Variants in FANCA observed in about 807,000 individuals in gnomAD.
FANCA encodes the protein Fanconi anemia group A protein.
In FANCA, 236 loss-of-function variants were observed where a neutral mutation model predicts 194.3. The observed-to-expected ratio is 1.21, with a 90% CI of 1.09 to 1.35. FANCA has a LOEUF of 1.35. Among genes scored for constraint, FANCA ranks in the 40% most tolerant of loss-of-function variants. FANCA has a pLI of 0.00. For missense variants in FANCA, 2,628 were observed against 1,813.9 expected (o/e 1.45, Z -8.15); for synonymous variants, 1,014 against 715.8 (o/e 1.42, Z -6.65).
At chr16:89,745,148 C>T in intron 35 of FANCA, 77 bp from the exon 36 acceptor site, 1 of 1,376,034 alleles carries the variant, frequency 7.3e-7, no homozygotes, top group Non-Finnish European at 1.0e-6. Context: ...ATGACAAGCC[C>T]CCAGTGCTCC....
At position 89,738,433 on chromosome 16, in the gene FANCA, A is replaced by C; in HGVS notation, c.*168T>G. The stretch of plus-strand genomic sequence containing the variant: ...GGGACCAGTGGTTTATTTTCCCGCA[A>C]ACGCTGAGTGACTCGGGGCCGGACA... On this transcript the variant is annotated 3_prime_UTR_variant, in exon 43 of 43. Transcript: ENST00000389301. 1 of 1,382,688 alleles carries C rather than the reference A, an allele frequency of 7.2e-7. No individual in the cohort carries two copies. Among genetic ancestry groups the C allele is most frequent in the Non-Finnish European group, 9.9e-7 (1 of 1,014,720 alleles). 85.7% of individuals were successfully genotyped at this position (1,382,688 alleles called of 1,614,324 possible). A position where few individuals can be genotyped will look rare whatever the true frequency, so the allele number is the denominator to read the frequency against.
rs1411162114 is a variant in FANCA at position 89,778,882 on chromosome 16, G to C, written c.1777-32C>G. 1.9e-6 allele frequency: 3 copies of C among 1,613,744 alleles called. No homozygotes were observed. The Admixed American group carries it at 5.0e-5, about 27-fold the overall frequency. On this transcript the variant is annotated intron_variant, in intron 19 of 42. Coordinates refer to ENST00000389301, the MANE Select transcript of FANCA (RefSeq NM_000135.4). ...GAAGAGAAGAGACCTGTGAGAGACT[G>C]ACAAGGAAAGTCCTTGCTTTCTACA...
intron 20 of FANCA, among the ~76,000 whole-genome samples, chr16:89,777,913 G>T (rs2039564469): frequency 6.6e-6 from 1 of 152,076 alleles, no homozygotes; most frequent in Admixed American, 6.6e-5. Context: ...TATAATCCCA[G>T]CACTTTGGGA....
intron 5 of FANCA, 24 bp downstream of exon 5, chr16:89,810,683 T>TTC (rs1336696737): frequency 1.4e-6 from 2 of 1,438,340 alleles, no homozygotes; most frequent in East Asian, 4.5e-5. Context: ...CACTGGAGAG[T>TTC]CAGATTTGCA....
intron 11 of FANCA, 65 bp from the exon 12 acceptor site, chr16:89,792,612 G>A: frequency 1.4e-6 from 2 of 1,455,106 alleles, no homozygotes; most frequent in Non-Finnish European, 1.9e-6. Context: ...TTTTTGTTAA[G>A]GACCAGCCCC....
chr16:89,798,763 G>A lies in FANCA; in HGVS notation c.893+403C>T, dbSNP rs146493566. On this transcript the variant is annotated intron_variant, in intron 10 of 42. Transcript: ENST00000389301. ...TGTGGAGGCCAGGCAGCGGGAGTCT[G>A]TAGAGGCACAGCTACAGTGTGTTCT... The A allele has an allele frequency of 8.2e-4, 1,136 of 1,386,834 alleles. 10 individuals carry two copies. In the South Asian group the frequency reaches 9.9e-3, roughly 12 times the overall value. 85.9% of individuals were successfully genotyped at this position (1,386,834 alleles called of 1,614,324 possible).
chr16:89,768,957 G>C (rs2039224597), intron 26 of FANCA, among the ~76,000 whole-genome samples: 1 of 152,024 alleles, frequency 6.6e-6, no homozygotes, highest in Admixed American at 6.6e-5. Context: ...GGACTGTCTG[G>C]TGTGGCCAAG....
chr16:89,794,270 G>C (rs2040170220), intron 11 of FANCA, among the ~76,000 whole-genome samples: 1 of 152,138 alleles, frequency 6.6e-6, no homozygotes, highest in Non-Finnish European at 1.5e-5. Flanking sequence ...CTGTCAGTAA[G>C]GTCAGGCTAG....
In FANCA at chr16:89,755,889, C is replaced by T. The variant is rs570016641; in HGVS notation, c.2981+2688G>A. The stretch of plus-strand genomic sequence containing the variant: ...CGCACAGACACAGACCGGAGCCGCC[C>T]GCACACCTAGGCCACACGGCACGGC... On this transcript the variant is annotated intron_variant, in intron 30 of 42. Transcript: ENST00000389301. 1.1e-4 allele frequency among the ~76,000 whole-genome samples: 17 copies of T among 150,932 alleles called. 1 individual carries two copies. Among genetic ancestry groups the T allele is most frequent in the South Asian group, 2.1e-4 (1 of 4,710 alleles).
intron 20 of FANCA, among the ~76,000 whole-genome samples, chr16:89,776,333 AATTTTTTGT>A (rs1228760174): frequency 1.3e-5 from 2 of 150,720 alleles, no homozygotes; most frequent in South Asian, 2.1e-4. Context: ...AGGCCCAGCT[AATTTTTTGT>A]ATTTTTAGTA....
chr16:89,751,463 C>G (rs1232084251), intron 31 of FANCA, among the ~76,000 whole-genome samples: 5 of 152,054 alleles, frequency 3.3e-5, no homozygotes, highest in Non-Finnish European at 5.9e-5. Context: ...CAGAGCAAGA[C>G]CCTGTCCCAA....
Position 89,784,845 on chromosome 16 carries a change from G to T in FANCA, c.1470+9C>A. The T allele has an allele frequency of 6.2e-7, 1 of 1,603,080 alleles. No homozygotes were observed. Among genetic ancestry groups the T allele is most frequent in the South Asian group, 1.1e-5 (1 of 90,880 alleles). On this transcript the variant is annotated intron_variant, in intron 15 of 42. Transcript: ENST00000389301. ...CCAGAAATCATGGATGTGGCAGCCA[G>T]CTTCTCACCTGCAGGTACCGGGGAG...
chr16:89,754,730 T>C (rs2038713379), intron 30 of FANCA, among the ~76,000 whole-genome samples: 1 of 152,136 alleles, frequency 6.6e-6, no homozygotes, highest in South Asian at 2.1e-4. Flanking sequence ...TTAGAACTAA[T>C]AAATGACTAG....
At position 89,752,142 on chromosome 16, in the gene FANCA, A is replaced by C. The variant is rs891626452; in HGVS notation, c.3062T>G (p.Leu1021Trp). The change falls in exon 31 of 43, where the codon TTG (leucine) becomes TGG (tryptophan). Residue 1021 changes from leucine to tryptophan, a missense_variant. By Grantham distance (61) the Leu-to-Trp change is moderately conservative. Transcript: ENST00000389301. The stretch of plus-strand genomic sequence containing the variant: ...TTGTGGCACCCTCAAACTCACCTGC[A>C]ATCTGGAAATAATATCCTCATTTCC... ...RTGNEDIISR[L>W]QEMVADLELQ... is the part of the protein sequence containing the mutation. The C allele has an allele frequency of 1.2e-6, 2 of 1,613,982 alleles. No individual in the cohort carries two copies. Among genetic ancestry groups the C allele is most frequent in the Non-Finnish European group, 1.7e-6 (2 of 1,179,858 alleles).
rs554748241 is a variant in FANCA at position 89,781,489 on chromosome 16, T to C, written c.1626+1370A>G. ...GAGATTGAGACCATCCTGGATAACATGGTGAAACCCCATCTCTACTAAAAA... is the reference window on the plus strand; with the variant it reads ...GAGATTGAGACCATCCTGGATAACACGGTGAAACCCCATCTCTACTAAAAA... On this transcript the variant is annotated intron_variant, in intron 17 of 42. Transcript: ENST00000389301. 7.1e-4 allele frequency among the ~76,000 whole-genome samples: 101 copies of C among 141,274 alleles called. 1 individual carries two copies. The highest frequency in any genetic ancestry group is 1.9e-3 in the East Asian group (9 of 4,704). The allele number at this position is 141,274 out of a possible 152,430, so 92.7% of individuals were successfully genotyped here.
chr16:89,809,625 A>G (rs1253372421), intron 5 of FANCA, among the ~76,000 whole-genome samples: 2 of 152,002 alleles, frequency 1.3e-5, no homozygotes, highest in Non-Finnish European at 2.9e-5. Context: ...CGAGGTGGGC[A>G]GATCATCTGA....
rs982258436 is a variant in FANCA, at chr16:89,816,610, G to A, written c.6C>T (p.Ser2=). The change falls in exon 1 of 43, where the codon TCC becomes TCT. Residue 2 remains serine, a synonymous_variant. Transcript: ENST00000389301. Reference sequence around the variant, plus strand: ...AGGCGGAGTTCGGGACCCACGAGTCGGACATGGCCTTGGCGCCTACAGCCC... The same window carrying A: ...AGGCGGAGTTCGGGACCCACGAGTCAGACATGGCCTTGGCGCCTACAGCCC... The part of the protein sequence containing the change: M[S]DSWVPNSASG... 1.2e-5 allele frequency: 18 copies of A among 1,524,924 alleles called. No homozygotes were observed. The highest frequency in any genetic ancestry group is 1.6e-5 in the Non-Finnish European group (18 of 1,144,064). The allele number at this position is 1,524,924 out of a possible 1,614,324, so 94.5% of individuals were successfully genotyped here.
chr16:89,771,309 A>G (rs1236490530), intron 23 of FANCA, among the ~76,000 whole-genome samples: 1 of 151,998 alleles, frequency 6.6e-6, no homozygotes, highest in African/African-American at 2.4e-5. Context: ...AAATGCAGAA[A>G]TTAGCCGGGT....
rs150727353 is a variant in FANCA at position 89,800,234 on chromosome 16, T to C, written c.793-596A>G. On this transcript the variant is annotated intron_variant, in intron 8 of 42. Transcript: ENST00000389301. ...AAGAGAGGAAAGCTCAGGCCTTGAA[T>C]CTGGGCTGTGGAACTAAGGACTTTC... 2.3e-4 allele frequency among the ~76,000 whole-genome samples: 35 copies of C among 152,336 alleles called. No homozygotes were observed. The East Asian group carries it at 6.6e-3, about 29-fold the overall frequency.
Sources: allele counts gnomAD v4.1 joint callset (sites outside exome capture counted in the v4.1 genomes callset), GRCh38; gene constraint gnomAD v4.1.1; transcripts MANE v1.5; gene names NCBI Gene and HGNC (gene_info 2026-07-23, HGNC 2026-07-21).